Variants in MDGA2 observed in about 807,000 individuals in gnomAD.
The protein encoded by MDGA2 is MAM domain containing glycosylphosphatidylinositol anchor 2.
Under a neutral mutation model 117.8 loss-of-function variants are expected in MDGA2, and 40 were observed. The ratio of observed to expected loss-of-function variants is 0.34; its 90% CI spans 0.26 to 0.44. The LOEUF is 0.44. Among genes scored for constraint, MDGA2 ranks in the 20% least tolerant of loss-of-function variants. The probability of loss-of-function intolerance (pLI) is 1.00; values close to 1 mark genes in which losing one functional copy is unlikely to be tolerated. For synonymous variants in MDGA2, 452 were observed against 439.0 expected (o/e 1.03, Z -0.37); for missense variants, 1,123 against 1,250.6 (o/e 0.90, Z 1.54).
At chr14:46,929,603 A>G (rs867606221) in intron 9 of MDGA2, among the ~76,000 whole-genome samples, 651 of 7,838 alleles carry the variant, frequency 0.083, 22 homozygotes, top group African/African-American at 0.23. Context: ...GTGTGTGTGT[A>G]TATATATATA....
At chr14:47,563,565 C>G (rs1331019994) in intron 1 of MDGA2, among the ~76,000 whole-genome samples, 2 of 139,582 alleles carry the variant, frequency 1.4e-5, no homozygotes, top group African/African-American at 5.2e-5. Context: ...AATAGCAACC[C>G]CTGCTTTTTT....
At chr14:47,555,634 T>C (rs2416091) in intron 1 of MDGA2, among the ~76,000 whole-genome samples, 93,598 of 151,878 alleles carry the variant, frequency 0.62, 30,119 homozygotes, top group East Asian at 0.98. Context: ...GCAAGAGACA[T>C]TTTCCCAGAA....
At chr14:47,341,837 C>T (rs961516705) in intron 1 of MDGA2, among the ~76,000 whole-genome samples, 1 of 151,976 alleles carries the variant, frequency 6.6e-6, no homozygotes, top group African/African-American at 2.4e-5. Context: ...AACCTGGCTT[C>T]TTTCTTTGTC....
intron 1 of MDGA2, among the ~76,000 whole-genome samples, chr14:47,516,865 G>T (rs757354450): frequency 3.9e-5 from 6 of 152,130 alleles, no homozygotes; most frequent in Non-Finnish European, 4.4e-5. Context: ...TCTACCACAT[G>T]TAACTGAAAG....
intron 9 of MDGA2, among the ~76,000 whole-genome samples, chr14:46,928,707 CT>C (rs1884424808): frequency 6.6e-6 from 1 of 152,130 alleles, no homozygotes; most frequent in Admixed American, 6.6e-5. Flanking sequence ...TTCCTCTCTG[CT>C]TTCCAATTGT....
intron 7 of MDGA2, among the ~76,000 whole-genome samples, chr14:47,055,921 A>G (rs551667584): frequency 2.5e-4 from 38 of 152,234 alleles, no homozygotes; most frequent in Non-Finnish European, 8.8e-5. Flanking sequence ...ATTAATTCAG[A>G]GGTCATGGAT....
chr14:47,341,389 C>G (rs1286304351), intron 1 of MDGA2, among the ~76,000 whole-genome samples: 1 of 152,154 alleles, frequency 6.6e-6, no homozygotes, highest in Non-Finnish European at 1.5e-5. Context: ...CTGGATTACT[C>G]TTTTCAACAC....
intron 8 of MDGA2, among the ~76,000 whole-genome samples, chr14:46,968,507 A>G (rs57349514): frequency 0.12 from 17,956 of 152,084 alleles, 2,027 homozygotes; most frequent in African/African-American, 0.27. Flanking sequence ...ATGATCTTAC[A>G]TCTAGAAAAA....
chr14:47,234,459 A>T (rs1398905444), intron 2 of MDGA2, among the ~76,000 whole-genome samples: 1 of 152,094 alleles, frequency 6.6e-6, no homozygotes, highest in African/African-American at 2.4e-5. Context: ...AATGATAAAA[A>T]CCTAGGATCT....
At chr14:46,975,031 G>T (rs1251565669) in intron 8 of MDGA2, among the ~76,000 whole-genome samples, 1 of 151,776 alleles carries the variant, frequency 6.6e-6, no homozygotes, top group Non-Finnish European at 1.5e-5. Flanking sequence ...TTCAAAAATG[G>T]GCAAAGAACT....
intron 2 of MDGA2, among the ~76,000 whole-genome samples, chr14:47,292,480 AG>A (rs1233860740): frequency 6.6e-6 from 1 of 152,118 alleles, no homozygotes; most frequent in African/African-American, 2.4e-5. Flanking sequence ...GTCTTTCATA[AG>A]CCCCCATTAG....
At chr14:47,502,161 C>T (rs757727839) in intron 1 of MDGA2, among the ~76,000 whole-genome samples, 2 of 152,002 alleles carry the variant, frequency 1.3e-5, no homozygotes, top group Non-Finnish European at 2.9e-5. Context: ...CTCTGCTACT[C>T]AGGAGGCTAA....
chr14:46,974,459 C>T (rs530768184), intron 8 of MDGA2, among the ~76,000 whole-genome samples: 189 of 152,224 alleles, frequency 1.2e-3, no homozygotes, highest in Non-Finnish European at 2.1e-3. Flanking sequence ...AAGACTCGCA[C>T]TTCTTGATTT....
chr14:47,592,918 A>G (rs1356510306), intron 1 of MDGA2, among the ~76,000 whole-genome samples: 1 of 152,230 alleles, frequency 6.6e-6, no homozygotes, highest in Non-Finnish European at 1.5e-5. Flanking sequence ...ACTTCTGCAC[A>G]GCAAAAGTAA....
At chr14:47,257,898 T>G (rs1887675750) in intron 2 of MDGA2, among the ~76,000 whole-genome samples, 1 of 152,188 alleles carries the variant, frequency 6.6e-6, no homozygotes, top group African/African-American at 2.4e-5. Flanking sequence ...ATGTATTTTT[T>G]TATTGACATC....
At chr14:46,876,954 C>A (rs1194672805) in intron 12 of MDGA2, among the ~76,000 whole-genome samples, 1 of 151,268 alleles carries the variant, frequency 6.6e-6, no homozygotes, top group Admixed American at 6.6e-5. Context: ...TAATATAAAA[C>A]AAAATAAAAA....
At chr14:46,889,588 T>C (rs12888154) in intron 10 of MDGA2, among the ~76,000 whole-genome samples, 2 of 152,134 alleles carry the variant, frequency 1.3e-5, no homozygotes, top group Non-Finnish European at 2.9e-5. Context: ...CTTGGAACTG[T>C]CTTGGCTTTT....
intron 9 of MDGA2, among the ~76,000 whole-genome samples, chr14:46,953,070 C>T (rs1885425690): frequency 6.6e-6 from 1 of 151,734 alleles, no homozygotes. Context: ...AGATATAAAA[C>T]CAAAATTACT....
chr14:47,287,905 T>C (rs1480721161), intron 2 of MDGA2, among the ~76,000 whole-genome samples: 2 of 151,808 alleles, frequency 1.3e-5, no homozygotes, highest in African/African-American at 4.8e-5. Flanking sequence ...GAGGCAGAGA[T>C]TGGAGTGATG....
Sources: allele counts gnomAD v4.1 joint callset (sites outside exome capture counted in the v4.1 genomes callset), GRCh38; gene constraint gnomAD v4.1.1; transcripts MANE v1.5; gene names NCBI Gene and HGNC (gene_info 2026-07-23, HGNC 2026-07-21).